The following POLR2F variants were observed in gnomAD, a reference collection of about 807,000 sequenced individuals.
POLR2F encodes DNA-directed RNA polymerases I, II, and III subunit RPABC2.
Under a neutral mutation model 22.7 loss-of-function variants are expected in POLR2F, and 12 were observed. The observed-to-expected ratio is 0.53, with a 90% CI of 0.34 to 0.86. The LOEUF is 0.86. Ranked by LOEUF, POLR2F falls within the 40% of genes least tolerant of loss-of-function variation. POLR2F has a pLI of 0.02. For missense variants in POLR2F, 126 were observed against 171.5 expected (o/e 0.73, Z 1.48); for synonymous variants, 57 against 66.0 (o/e 0.86, Z 0.66).
Position 37,978,782 on chromosome 22 carries a change from CTT to C in POLR2F, c.293+11621_293+11622del, listed in dbSNP as rs1218261959. ...GAGGAAGAGGTGCTTTTCTTTCTTT[CTT>C]TTTTTTTTCTGTGAGGGAATCTCAC... On this transcript the variant is annotated intron_variant, in intron 4 of 4. Transcript: ENST00000405557. This position sits in a 1 kb window ranked among gnomAD's most constrained non-coding sequence, Gnocchi z 5.0. Among the ~76,000 whole-genome samples, 1 of 149,546 alleles carries C rather than the reference CTT, an allele frequency of 6.7e-6. No homozygotes were observed.
chr22:37,959,572 T>G, intron 3 of POLR2F, 96 bp downstream of exon 3: 1 of 1,383,640 alleles, frequency 7.2e-7, no homozygotes, highest in Non-Finnish European at 9.9e-7. Flanking sequence ...GAAAACAGAC[T>G]CTCTGCTCTC....
intron 2 of POLR2F, among the ~76,000 whole-genome samples, chr22:37,957,536 G>A (rs1003578777): frequency 1.3e-5 from 2 of 152,160 alleles, no homozygotes; most frequent in Non-Finnish European, 2.9e-5. Flanking sequence ...TGTCTTGTGT[G>A]ACTGATGAGG....
chr22:37,995,095 G>C (rs1043115825), intron 1 of POLR2F, among the ~76,000 whole-genome samples: 1 of 152,204 alleles, frequency 6.6e-6, no homozygotes, highest in Non-Finnish European at 1.5e-5. Flanking sequence ...AGCTCCTGCT[G>C]TGTGATCTTG....
chr22:37,972,326 A>C, downstream of POLR2F: 1 of 960,836 alleles, frequency 1.0e-6, no homozygotes, highest in Non-Finnish European at 1.5e-6. Flanking sequence ...CGGAACCTTT[A>C]ATTTTATTAT....
At chr22:37,956,728 C>A (rs750728876) in intron 1 of POLR2F, 45 bp from the exon 2 acceptor site, 2 of 1,518,432 alleles carry the variant, frequency 1.3e-6, no homozygotes, top group Admixed American at 1.7e-5. Flanking sequence ...CTCTTTGATT[C>A]TTTTAAGTGA....
chr22:38,008,869 A>G (rs562815451), intron 1 of POLR2F, among the ~76,000 whole-genome samples: 123 of 152,102 alleles, frequency 8.1e-4, no homozygotes, highest in African/African-American at 2.1e-3. Context: ...AAAAAAAAAA[A>G]AAAGAAAGAA....
chr22:37,994,698 T>C (rs1219522152), intron 1 of POLR2F, among the ~76,000 whole-genome samples: 1 of 152,208 alleles, frequency 6.6e-6, no homozygotes, highest in African/African-American at 2.4e-5. Context: ...TTTTATATTT[T>C]TAATAGAGAC....
chr22:38,038,499 A>G (rs2085138047), intron 5 of POLR2F, among the ~76,000 whole-genome samples: 1 of 151,976 alleles, frequency 6.6e-6, no homozygotes, highest in Admixed American at 6.5e-5. Flanking sequence ...GGACGGGTTG[A>G]GAGATTGGTC....
At chr22:37,964,966 G>A (rs1037091367) in intron 3 of POLR2F, among the ~76,000 whole-genome samples, 1 of 152,118 alleles carries the variant, frequency 6.6e-6, no homozygotes, top group African/African-American at 2.4e-5. Context: ...CCATCTGGTG[G>A]CTCCTTGCCT....
intron 1 of POLR2F, among the ~76,000 whole-genome samples, chr22:38,021,603 C>A (rs926515498): frequency 6.6e-6 from 1 of 152,002 alleles, no homozygotes; most frequent in African/African-American, 2.4e-5. Flanking sequence ...ATTACAGGCA[C>A]GCGCCACCAT....
downstream of POLR2F, chr22:37,971,349 C>T: frequency 2.1e-6 from 1 of 469,390 alleles, no homozygotes; most frequent in Admixed American, 2.4e-5. Flanking sequence ...GCCTGAATGA[C>T]ATAAAACCCT....
chr22:37,954,888 G>A (rs1404451880), intron 1 of POLR2F, among the ~76,000 whole-genome samples: 2 of 152,106 alleles, frequency 1.3e-5, no homozygotes, highest in Non-Finnish European at 2.9e-5. Context: ...AAGAGAAGCC[G>A]GGGAGGTGGG....
intron 1 of POLR2F, chr22:37,987,909 G>A (rs552453174): frequency 6.5e-6 from 1 of 153,324 alleles, no homozygotes; most frequent in Non-Finnish European, 1.5e-5. Context: ...TCTCAAATGG[G>A]AAGGCGCACT....
intron 1 of POLR2F, among the ~76,000 whole-genome samples, chr22:38,003,872 C>T (rs1221778640): frequency 6.6e-6 from 1 of 152,140 alleles, no homozygotes; most frequent in East Asian, 1.9e-4. Flanking sequence ...CCACTGTGCC[C>T]AGAACAGTCA....
intron 1 of POLR2F, among the ~76,000 whole-genome samples, chr22:37,992,979 C>A (rs1037654275): frequency 3.3e-5 from 5 of 152,114 alleles, no homozygotes; most frequent in African/African-American, 1.2e-4. Flanking sequence ...TGAGTGTGCC[C>A]CTTGTCTTTA....
intron 1 of POLR2F, among the ~76,000 whole-genome samples, chr22:37,994,136 G>A (rs111326633): frequency 0.015 from 2,308 of 152,246 alleles, 57 homozygotes; most frequent in African/African-American, 0.052. Flanking sequence ...AATCAAGCCC[G>A]GGAAAACCTC....
chr22:38,012,372 G>A (rs1050622364), intron 1 of POLR2F, among the ~76,000 whole-genome samples: 2 of 152,080 alleles, frequency 1.3e-5, no homozygotes, highest in African/African-American at 2.4e-5. Context: ...GTAAGCCACC[G>A]CACCTGGCCT....
At chr22:37,984,407 G>C (rs1018917717), upstream of POLR2F, 1 of 152,364 alleles carries the variant, frequency 6.6e-6, no homozygotes, top group African/African-American at 2.4e-5. This position sits in a 1 kb window ranked among gnomAD's most constrained non-coding sequence, Gnocchi z 4.4. Context: ...CAAGGTGTGC[G>C]GTCCAGCTCG....
At chr22:37,954,305 A>AT (rs764720173) in intron 1 of POLR2F, among the ~76,000 whole-genome samples, 2,740 of 143,866 alleles carry the variant, frequency 0.019, 40 homozygotes, top group African/African-American at 0.04. Context: ...CTTTGCAGTA[A>AT]TTTTTTTTTT....
Sources: allele counts gnomAD v4.1 joint callset (sites outside exome capture counted in the v4.1 genomes callset), GRCh38; gene constraint gnomAD v4.1.1; non-coding constraint Gnocchi (gnomAD v3.1); transcripts MANE v1.5; gene names NCBI Gene and HGNC (gene_info 2026-07-23, HGNC 2026-07-21).